Variants in MPP7 observed in about 807,000 individuals in gnomAD.
The protein encoded by MPP7 is MAGUK p55 subfamily member 7.
Under a neutral mutation model 76.5 loss-of-function variants are expected in MPP7, and 60 were observed. That is an observed-to-expected ratio of 0.78 (90% CI 0.64 to 0.97). The LOEUF is 0.97. Ranked by LOEUF, MPP7 falls within the 50% of genes least tolerant of loss-of-function variation. MPP7 has a pLI of 0.00. For synonymous variants in MPP7, 237 were observed against 244.5 expected, an observed-to-expected ratio of 0.97 and a Z score of 0.29; for missense variants, 641 against 694.0, an observed-to-expected ratio of 0.92 and a Z score of 0.86.
chr10:28,262,186 TA>T (rs1564741004), intron 1 of MPP7, among the ~76,000 whole-genome samples: 46 of 1,300 alleles, frequency 0.035, no homozygotes, highest in Middle Eastern at 0.17. Context: ...ATAAATAAAT[TA>T]TATATATATA....
chr10:28,058,663 G>A, intron 14 of MPP7, 60 bp from the exon 15 acceptor site: 1 of 924,232 alleles, frequency 1.1e-6, no homozygotes, highest in Non-Finnish European at 1.6e-6. Flanking sequence ...TAGGTGGCAA[G>A]ATAAAATTCA....
intron 12 of MPP7, 79 bp downstream of exon 12, chr10:28,089,592 C>A: frequency 7.4e-7 from 1 of 1,348,752 alleles, no homozygotes. Context: ...TTGAAAACTT[C>A]AAGTATGATT....
At chr10:28,069,106 T>G (rs1372377583) in intron 13 of MPP7, among the ~76,000 whole-genome samples, 1 of 152,136 alleles carries the variant, frequency 6.6e-6, no homozygotes, top group African/African-American at 2.4e-5. Flanking sequence ...CAATCATTAT[T>G]AACGAGTACA....
chr10:28,291,858 GA>G lies in MPP7; in HGVS notation c.-132+11002del, dbSNP rs141841448. ...AAGCTAAGCTTTGTTTATTACTGAA[GA>G]AAAAACACTTTTTAAATGAACATAG... On this transcript the variant is annotated intron_variant, in intron 1 of 16. Transcript: ENST00000683449. 0.014 allele frequency among the ~76,000 whole-genome samples: 2,116 copies of G among 152,166 alleles called. 111 individuals are homozygous for G. In the East Asian group the frequency reaches 0.15, roughly 11 times the overall value.
intron 2 of MPP7, among the ~76,000 whole-genome samples, chr10:28,212,744 G>C (rs1838182373): frequency 6.6e-6 from 1 of 152,154 alleles, no homozygotes; most frequent in African/African-American, 2.4e-5. Flanking sequence ...GAGTGTCAAG[G>C]AAGAATGAAC....
chr10:28,159,600 A>C (rs1836189185), intron 3 of MPP7, among the ~76,000 whole-genome samples: 1 of 152,210 alleles, frequency 6.6e-6, no homozygotes, highest in Non-Finnish European at 1.5e-5. Context: ...TCATGAAGCA[A>C]ATCATGCCTC....
chr10:28,089,805 T>C lies in MPP7; in HGVS notation c.989A>G (p.Asp330Gly). Residue 330 changes from aspartate to glycine, a missense_variant, in exon 12 of 17, where the codon GAT becomes GGT. Asp to Gly is a moderately conservative substitution (Grantham distance 94). Transcript: ENST00000683449. Reference sequence around the variant, plus strand: ...ATACATGGATTTATTTGTTTTCTTATCTTTTCTACTAAGACGAAAACTTTT... The same window carrying C: ...ATACATGGATTTATTTGTTTTCTTACCTTTTCTACTAAGACGAAAACTTTT... Reference protein sequence around the residue: ...FRKSFRLSRKDKKTNKSMYEC... With the variant: ...FRKSFRLSRKGKKTNKSMYEC... The C allele has an allele frequency of 3.1e-6, 5 of 1,588,252 alleles. No homozygotes were observed. The highest frequency in any genetic ancestry group is 4.3e-6 in the Non-Finnish European group (5 of 1,158,616).
chr10:28,164,946 C>T (rs1286907056), intron 3 of MPP7, among the ~76,000 whole-genome samples: 2 of 152,104 alleles, frequency 1.3e-5, no homozygotes, highest in Non-Finnish European at 2.9e-5. Context: ...ATTTGTATCC[C>T]CTAAACCTAA....
intron 3 of MPP7, among the ~76,000 whole-genome samples, chr10:28,161,567 A>G (rs1229459858): frequency 1.3e-5 from 2 of 152,194 alleles, no homozygotes; most frequent in African/African-American, 4.8e-5. Flanking sequence ...ATCATTTTGC[A>G]TGTAAGAATA....
rs868055876 is a variant in MPP7 at position 28,096,157 on chromosome 10, G to A, written c.953-6316C>T. On this transcript the variant is annotated intron_variant, in intron 11 of 16. Transcript: ENST00000683449. ...ATTTGCTTCTTAGTTCAATAAGACT[G>A]CAATAAACATCCCTTTATCCCATGT... Among the ~76,000 whole-genome samples, 7 of 152,314 alleles carry A rather than the reference G, an allele frequency of 4.6e-5. 1 individual carries two copies. The highest frequency in any genetic ancestry group is 3.4e-3 in the Middle Eastern group (1 of 294).
intron 2 of MPP7, among the ~76,000 whole-genome samples, chr10:28,203,392 G>A (rs1408400450): frequency 6.6e-6 from 1 of 151,148 alleles, no homozygotes; most frequent in East Asian, 2.0e-4. Context: ...ACAACCAAAG[G>A]CATTAGGTAC....
At chr10:28,304,491 C>A (rs1249384272), upstream of MPP7, among the ~76,000 whole-genome samples, 3 of 152,086 alleles carry the variant, frequency 2.0e-5, no homozygotes, top group South Asian at 2.1e-4. Flanking sequence ...ACAAGAAATT[C>A]TTTTTTCTCT....
At chr10:28,142,030 T>G (rs532350078) in intron 5 of MPP7, among the ~76,000 whole-genome samples, 1 of 151,504 alleles carries the variant, frequency 6.6e-6, no homozygotes, top group East Asian at 1.9e-4. Flanking sequence ...TCATACAGAG[T>G]GATAATTTCA....
At chr10:28,138,020 C>G (rs1390791136) in intron 5 of MPP7, among the ~76,000 whole-genome samples, 2 of 152,202 alleles carry the variant, frequency 1.3e-5, no homozygotes, top group African/African-American at 2.4e-5. Context: ...TTTAATGAAG[C>G]TTCATTCATC....
At chr10:28,165,171 C>A (rs75002024) in intron 3 of MPP7, among the ~76,000 whole-genome samples, 5,210 of 152,148 alleles carry the variant, frequency 0.034, 141 homozygotes, top group Non-Finnish European at 0.054. Flanking sequence ...GCATCCAAAT[C>A]GCCCGAGCCT....
chr10:28,107,734 C>G (rs1216728592), intron 11 of MPP7, among the ~76,000 whole-genome samples: 4 of 152,146 alleles, frequency 2.6e-5, no homozygotes, highest in Non-Finnish European at 5.9e-5. Context: ...CCTGAGCACC[C>G]CCAAACCAAC....
intron 11 of MPP7, among the ~76,000 whole-genome samples, chr10:28,107,873 T>A (rs1476259516): frequency 6.6e-6 from 1 of 152,174 alleles, no homozygotes; most frequent in African/African-American, 2.4e-5. Context: ...TTTCTGGTGA[T>A]GTAGGGGGAG....
At chr10:28,066,813 C>T (rs918081061) in intron 13 of MPP7, among the ~76,000 whole-genome samples, 9 of 152,160 alleles carry the variant, frequency 5.9e-5, no homozygotes, top group African/African-American at 9.7e-5. Flanking sequence ...AACACATTTG[C>T]GGGATTCATT....
rs542316710 is a variant in MPP7, at chr10:28,320,257, C to T, written c.-132+9672G>A. Reference sequence around the variant, plus strand: ...ATCATGAATAAAAGGTTTGAGGCAGCAATGAGCTGTATATGTCTAAAGGAA... The same window carrying T: ...ATCATGAATAAAAGGTTTGAGGCAGTAATGAGCTGTATATGTCTAAAGGAA... On this transcript the variant is annotated intron_variant, in intron 2 of 11. Transcript: ENST00000441595. 2.0e-5 allele frequency among the ~76,000 whole-genome samples: 3 copies of T among 152,140 alleles called. No homozygotes were observed. The South Asian group carries it at 6.2e-4, about 32-fold the overall frequency.
Sources: gnomAD v4.1 joint callset for allele counts (sites outside exome capture counted in the v4.1 genomes callset) on GRCh38, gnomAD v4.1.1 for gene constraint, MANE v1.5 for transcripts, NCBI Gene and HGNC (gene_info 2026-07-23, HGNC 2026-07-21) for gene names.